Variants in MYOF observed in about 807,000 individuals in gnomAD.
MYOF encodes fer-1-like 3, myoferlin.
A neutral mutation model predicts 284.2 loss-of-function variants in MYOF; 244 were observed. The ratio of observed to expected loss-of-function variants is 0.86; its 90% CI spans 0.77 to 0.95. The LOEUF (loss-of-function observed/expected upper bound fraction) is 0.95, where lower values mean the gene tolerates loss of function less well. Among genes scored for constraint, MYOF ranks in the 40% least tolerant of loss-of-function variants. The probability of loss-of-function intolerance (pLI) is 0.00; values close to 1 mark genes in which losing one functional copy is unlikely to be tolerated. For missense variants in MYOF, 2,496 were observed against 2,560.6 expected (o/e 0.97, Z 0.54); for synonymous variants, 904 against 919.7 (o/e 0.98, Z 0.31).
In MYOF at chr10:93,381,314, T is replaced by C; in HGVS notation, c.1781A>G (p.Gln594Arg). ...ATAGTTCCCAATGCTGACTTCAAAC[T>C]GAATGGCCTCACCAACATCTTGCAA... is the stretch of plus-strand genomic sequence containing the variant. Reference protein sequence around the residue: ...TMLQDVGEAIQFEVSIGNYGN... With the variant: ...TMLQDVGEAIRFEVSIGNYGN... The change falls in exon 20 of 54, where the codon CAG becomes CGG. Residue 594 changes from glutamine (Q) to arginine (R), a missense_variant. Transcript: ENST00000359263. 6.2e-7 allele frequency: 1 copy of C among 1,614,206 alleles called. No individual in the cohort carries two copies. The highest frequency in any genetic ancestry group is 8.5e-7 in the Non-Finnish European group (1 of 1,180,036).
At chr10:93,398,211 C>T (rs1847114832) in intron 13 of MYOF, among the ~76,000 whole-genome samples, 1 of 152,126 alleles carries the variant, frequency 6.6e-6, no homozygotes, top group Non-Finnish European at 1.5e-5. Context: ...CTAACATTTT[C>T]TTCCTTGGGG....
intron 44 of MYOF, 69 bp from the exon 45 acceptor site, chr10:93,328,980 A>C: frequency 1.3e-6 from 2 of 1,511,214 alleles, no homozygotes; most frequent in East Asian, 2.3e-5. Context: ...TCACACATAC[A>C]TGCTCATGTA....
At chr10:93,473,603 T>C (rs922522610) in intron 1 of MYOF, among the ~76,000 whole-genome samples, 1 of 152,110 alleles carries the variant, frequency 6.6e-6, no homozygotes, top group Non-Finnish European at 1.5e-5. Flanking sequence ...CCCTGGGAAA[T>C]GAGGAGAGGG....
chr10:93,348,109 G>T (rs1329806047), intron 36 of MYOF, among the ~76,000 whole-genome samples: 1 of 152,164 alleles, frequency 6.6e-6, no homozygotes, highest in Non-Finnish European at 1.5e-5. Context: ...GCTGTGTCCT[G>T]TAAGTGTGGA....
At chr10:93,416,396 C>T (rs1004101086) in intron 5 of MYOF, among the ~76,000 whole-genome samples, 3 of 151,722 alleles carry the variant, frequency 2.0e-5, no homozygotes, top group Non-Finnish European at 2.9e-5. Flanking sequence ...TGGTGGCAGG[C>T]GCCTGTAATC....
At chr10:93,346,938 G>T (rs1272761721) in intron 37 of MYOF, among the ~76,000 whole-genome samples, 1 of 152,152 alleles carries the variant, frequency 6.6e-6, no homozygotes, top group Admixed American at 6.5e-5. Flanking sequence ...CACTGATGTG[G>T]GAACAGCTCT....
chr10:93,396,076 A>G, intron 16 of MYOF, 66 bp downstream of exon 16: 1 of 1,333,576 alleles, frequency 7.5e-7, no homozygotes, highest in South Asian at 1.3e-5. Flanking sequence ...ACCCCAGTTC[A>G]TTTTTTTCTC....
At chr10:93,332,858 A>G (rs1843393756) in intron 43 of MYOF, among the ~76,000 whole-genome samples, 1 of 152,046 alleles carries the variant, frequency 6.6e-6, no homozygotes, top group Non-Finnish European at 1.5e-5. Context: ...AAAAAATAAA[A>G]TAGGAATAAT....
intron 1 of MYOF, among the ~76,000 whole-genome samples, chr10:93,480,307 T>G (rs992158929): frequency 6.6e-6 from 1 of 152,094 alleles, no homozygotes; most frequent in African/African-American, 2.4e-5. Flanking sequence ...TCCCAACACT[T>G]TGGGAAGCTG....
At chr10:93,447,022 T>G in intron 3 of MYOF, among the ~76,000 whole-genome samples, 1 of 152,178 alleles carries the variant, frequency 6.6e-6, no homozygotes, top group East Asian at 1.9e-4. Context: ...CAGCCTCGTT[T>G]GGTCTTTATA....
In MYOF at chr10:93,329,736, G is replaced by C; in HGVS notation, c.4910C>G (p.Thr1637Arg). The C allele has an allele frequency of 6.2e-7, 1 of 1,614,216 alleles. No homozygotes were observed. Among genetic ancestry groups the C allele is most frequent in the Non-Finnish European group, 8.5e-7 (1 of 1,180,040 alleles). Residue 1637 changes from threonine to arginine, a missense_variant, in exon 44 of 54, where the codon ACA (threonine) becomes AGA (arginine). Around this residue, in one of 3 missense-constraint regions of MYOF, gnomAD observed 2,436 missense variants for 2,480.7 expected, o/e 0.98. Transcript: ENST00000359263. The stretch of plus-strand genomic sequence containing the variant: ...GAATCGGTTTTCCAGATCAATAATT[G>C]TTTCTCCTACTTTTTCATCCCGGGT... ...TFTRDEKVGETIIDLENRFLS... is the reference protein window; with the variant it reads ...TFTRDEKVGERIIDLENRFLS...
At chr10:93,401,330 A>G (rs1847283255) in intron 12 of MYOF, 88 bp downstream of exon 12, 3 of 1,534,690 alleles carry the variant, frequency 2.0e-6, no homozygotes, top group Non-Finnish European at 2.6e-6. Context: ...TACGATAGGG[A>G]CACGAATCAC....
chr10:93,350,039 T>C, intron 35 of MYOF, 70 bp from the exon 36 acceptor site: 1 of 1,447,824 alleles, frequency 6.9e-7, no homozygotes, highest in Non-Finnish European at 9.4e-7. Flanking sequence ...AAGGAAAAAT[T>C]CTGTCTTAAT....
chr10:93,386,480 A>T (rs967069136), intron 19 of MYOF, among the ~76,000 whole-genome samples: 1 of 152,232 alleles, frequency 6.6e-6, no homozygotes, highest in South Asian at 2.1e-4. Flanking sequence ...TATTTTCCCC[A>T]TGTGAAGTTA....
At chr10:93,436,949 A>G (rs1849151882) in intron 3 of MYOF, among the ~76,000 whole-genome samples, 1 of 152,358 alleles carries the variant, frequency 6.6e-6, no homozygotes, top group East Asian at 1.9e-4. Flanking sequence ...AACCAACACT[A>G]AAACAGGACT....
chr10:93,435,130 A>G (rs1849061239), intron 3 of MYOF, among the ~76,000 whole-genome samples: 1 of 152,248 alleles, frequency 6.6e-6, no homozygotes, highest in South Asian at 2.1e-4. Flanking sequence ...TTGCAATTTC[A>G]TAATTCATAG....
chr10:93,457,031 C>A, intron 1 of MYOF, 94 bp from the exon 2 acceptor site: 1 of 852,206 alleles, frequency 1.2e-6, no homozygotes, highest in Admixed American at 2.3e-5. Flanking sequence ...ACCCAAGGGT[C>A]TACTTGCACC....
At chr10:93,454,570 C>T (rs555502819) in intron 2 of MYOF, among the ~76,000 whole-genome samples, 1 of 152,280 alleles carries the variant, frequency 6.6e-6, no homozygotes. Context: ...ACCCAAGGGG[C>T]CTCTTGCTCT....
intron 5 of MYOF, among the ~76,000 whole-genome samples, chr10:93,420,045 A>G (rs1264800513): frequency 6.6e-6 from 1 of 152,184 alleles, no homozygotes; most frequent in Non-Finnish European, 1.5e-5. Flanking sequence ...AGGCAGGAGA[A>G]TCCCTTGAAC....
Sources: gnomAD v4.1 joint callset for allele counts (sites outside exome capture counted in the v4.1 genomes callset) on GRCh38, gnomAD v4.1.1 for gene constraint, gnomAD v4.1.1 regional missense constraint, MANE v1.5 for transcripts, NCBI Gene and HGNC (gene_info 2026-07-23, HGNC 2026-07-21) for gene names.